Variants in MYH10 observed in about 807,000 individuals in gnomAD.
MYH10 encodes the protein myosin heavy chain 10, also known as myosin-10.
A neutral mutation model predicts 257.8 loss-of-function variants in MYH10; 55 were observed. The observed-to-expected ratio is 0.21, with a 90% CI of 0.17 to 0.27. The LOEUF is 0.27. Ranked by LOEUF, MYH10 falls within the 10% of genes least tolerant of loss-of-function variation. The pLI, the probability that MYH10 is intolerant of heterozygous loss-of-function variation, is 1.00. For synonymous variants in MYH10, 854 were observed against 921.7 expected, an observed-to-expected ratio of 0.93 and a Z score of 1.33; for missense variants, 1,631 against 2,500.6, an observed-to-expected ratio of 0.65 and a Z score of 7.42.
At chr17:8,480,651 C>A in intron 38 of MYH10, 126 bp from the exon 39 acceptor site, 1 of 1,283,078 alleles carries the variant, frequency 7.8e-7, no homozygotes, top group Non-Finnish European at 1.1e-6. Context: ...TTCTCTTTCC[C>A]CTGCACTCAT....
At chr17:8,623,311 T>G (rs1466122552) in intron 1 of MYH10, 34 bp from the exon 2 acceptor site, 2 of 1,507,086 alleles carry the variant, frequency 1.3e-6, no homozygotes, top group African/African-American at 2.8e-5. Flanking sequence ...AATTAGATGT[T>G]TAAGAAACAA....
intron 17 of MYH10, among the ~76,000 whole-genome samples, chr17:8,524,993 T>C (rs572085797): frequency 1.3e-5 from 2 of 152,208 alleles, no homozygotes; most frequent in East Asian, 1.9e-4. Flanking sequence ...CGCTTCAGAG[T>C]TGTGAGCCTG....
intron 21 of MYH10, 86 bp from the exon 22 acceptor site, chr17:8,513,980 G>T: frequency 8.9e-7 from 1 of 1,120,220 alleles, no homozygotes; most frequent in Non-Finnish European, 1.3e-6. Context: ...AAAGGCCCGT[G>T]TTCTTCTTTG....
At chr17:8,611,226 C>T (rs145705504) in intron 2 of MYH10, among the ~76,000 whole-genome samples, 11 of 152,302 alleles carry the variant, frequency 7.2e-5, no homozygotes, top group African/African-American at 2.2e-4. Flanking sequence ...CCTCACACAG[C>T]GTGAAGCCCA....
At chr17:8,516,114 G>A (rs1050045663) in intron 21 of MYH10, among the ~76,000 whole-genome samples, 3 of 152,152 alleles carry the variant, frequency 2.0e-5, no homozygotes, top group East Asian at 1.9e-4. Flanking sequence ...CGCAGTGGTC[G>A]GCTGATTTCT....
At chr17:8,550,510 G>A (rs1457875342) in intron 9 of MYH10, among the ~76,000 whole-genome samples, 13 of 151,844 alleles carry the variant, frequency 8.6e-5, no homozygotes, top group Admixed American at 7.2e-4. Context: ...CCGTCCGGGA[G>A]GGAGGTGGGG....
At chr17:8,629,893 G>T (rs2085840097) in intron 1 of MYH10, among the ~76,000 whole-genome samples, 1 of 151,676 alleles carries the variant, frequency 6.6e-6, no homozygotes, top group South Asian at 2.1e-4. Context: ...TCCTTCCCCG[G>T]CGCCGGCGGA....
rs2083715643 is a variant in MYH10 at position 8,581,742 on chromosome 17, G to T, written c.531-4404C>A. Among the ~76,000 whole-genome samples the T allele has an allele frequency of 2.0e-5, 3 of 152,150 alleles. 1 individual carries two copies. Among genetic ancestry groups the T allele is most frequent in the Admixed American group, 1.3e-4 (2 of 15,270 alleles). On this transcript the variant is annotated intron_variant, in intron 4 of 42. Transcript: ENST00000360416. ...TACAGCTCAACTAAAGCATATAGAT[G>T]ACATTCAATAAACATTATCCATTAT...
chr17:8,475,988 C>G, intron 42 of MYH10, 40 bp from the exon 43 acceptor site: 1 of 1,592,100 alleles, frequency 6.3e-7, no homozygotes, highest in Non-Finnish European at 8.5e-7. Flanking sequence ...GGTAAACAGA[C>G]AGGAGCACAT....
At chr17:8,500,577 G>GGGA (rs1171368721) in intron 29 of MYH10, among the ~76,000 whole-genome samples, 2 of 152,192 alleles carry the variant, frequency 1.3e-5, no homozygotes, top group Non-Finnish European at 2.9e-5. Context: ...AGAGACACTG[G>GGGA]GGAGGACTGT....
intron 6 of MYH10, among the ~76,000 whole-genome samples, chr17:8,571,457 A>G (rs149119000): frequency 6.6e-6 from 1 of 152,148 alleles, no homozygotes; most frequent in Non-Finnish European, 1.5e-5. Flanking sequence ...GGTATCCTGA[A>G]CAACTTTGAT....
intron 13 of MYH10, among the ~76,000 whole-genome samples, chr17:8,543,480 G>GT (rs11392715): frequency 0.92 from 129,115 of 141,026 alleles, 59,501 homozygotes; most frequent in South Asian, 0.98. Flanking sequence ...TACAAAGAAG[G>GT]TTTTTTTTTT....
At chr17:8,556,159 C>G (rs759723709) in intron 7 of MYH10, among the ~76,000 whole-genome samples, 12 of 152,206 alleles carry the variant, frequency 7.9e-5, no homozygotes, top group Admixed American at 3.9e-4. Context: ...ATAACTAGAA[C>G]TATCAGACAA....
chr17:8,554,527 A>C (rs1053028503), intron 7 of MYH10, among the ~76,000 whole-genome samples: 7 of 152,242 alleles, frequency 4.6e-5, no homozygotes, highest in African/African-American at 1.7e-4. Flanking sequence ...CAATTTTACA[A>C]ATTTCTAAGG....
At chr17:8,610,146 T>C (rs2084970618) in intron 2 of MYH10, among the ~76,000 whole-genome samples, 1 of 151,706 alleles carries the variant, frequency 6.6e-6, no homozygotes, top group Non-Finnish European at 1.5e-5. Context: ...TACTGATCAA[T>C]CTCAACATCA....
intron 2 of MYH10, among the ~76,000 whole-genome samples, chr17:8,619,457 C>T (rs2085384201): frequency 6.6e-6 from 1 of 152,160 alleles, no homozygotes; most frequent in Non-Finnish European, 1.5e-5. Context: ...GTGTGCTCCC[C>T]TGAGAGGGTC....
chr17:8,602,382 T>A (rs1445291826), intron 3 of MYH10, among the ~76,000 whole-genome samples: 1 of 152,214 alleles, frequency 6.6e-6, no homozygotes, highest in Non-Finnish European at 1.5e-5. Context: ...CGGTCCTTGG[T>A]CAGGCTACTG....
At chr17:8,600,552 T>C (rs2084551408) in intron 3 of MYH10, among the ~76,000 whole-genome samples, 1 of 152,142 alleles carries the variant, frequency 6.6e-6, no homozygotes, top group African/African-American at 2.4e-5. Context: ...GACGGAGGAA[T>C]TCATATGAAG....
intron 7 of MYH10, among the ~76,000 whole-genome samples, chr17:8,556,646 G>T (rs761543726): frequency 6.6e-6 from 1 of 152,216 alleles, no homozygotes; most frequent in Admixed American, 6.5e-5. Context: ...AAAGGCAAAA[G>T]AAACCTTTCT....
Sources: gnomAD v4.1 joint callset for allele counts (sites outside exome capture counted in the v4.1 genomes callset) on GRCh38, gnomAD v4.1.1 for gene constraint, MANE v1.5 for transcripts, NCBI Gene and HGNC (gene_info 2026-07-23, HGNC 2026-07-21) for gene names.